Variants in TNXB observed in about 807,000 individuals in gnomAD.
The protein encoded by TNXB is tenascin-X.
In TNXB, 183 loss-of-function variants were observed where a neutral mutation model predicts 340.5. The observed-to-expected ratio is 0.54, with a 90% CI of 0.48 to 0.61. TNXB has a LOEUF of 0.61. TNXB is among the 20% of genes least tolerant of loss of function. TNXB has a pLI of 0.00. For missense variants in TNXB, 4,613 were observed against 5,446.4 expected (o/e 0.85, Z 4.82); for synonymous variants, 2,121 against 2,314.5 (o/e 0.92, Z 2.40).
At position 32,097,736 on chromosome 6, in the gene TNXB, T is replaced by G; in HGVS notation, c.403+60A>C. ...TTCTAATTCATACCAAGGACCTTTA[T>G]GGACTAGCAATGCCCACCCCACCCC... On this transcript the variant is annotated intron_variant, in intron 2 of 43. Transcript: ENST00000644971. This position sits in a 1 kb window ranked among gnomAD's most constrained non-coding sequence, Gnocchi z 5.9. 1 of 1,477,544 alleles carries G rather than the reference T, an allele frequency of 6.8e-7. No homozygotes were observed. The highest frequency in any genetic ancestry group is 9.0e-7 in the Non-Finnish European group (1 of 1,111,136). 91.5% of individuals were successfully genotyped at this position (1,477,544 alleles called of 1,614,324 possible). A position where few individuals can be genotyped will look rare whatever the true frequency, so the allele number is the denominator to read the frequency against.
chr6:32,046,423 C>T lies in TNXB; in HGVS notation c.10358G>A (p.Gly3453Glu), dbSNP rs759385589. 8.2e-6 allele frequency: 13 copies of T among 1,577,132 alleles called. No individual in the cohort carries two copies. The South Asian group carries it at 1.2e-4, about 15-fold the overall frequency. ...GGTCTCCTCAGCCACGGTCAGTTCC[C>T]CCAGGTGGGGAGGTAGCTCCTTCTC... ...PLEKELPPHL[G>E]ELTVAEETSS... The change falls in exon 31 of 44, where the codon GGG (glycine) becomes GAG (glutamate). Residue 3453 changes from glycine to glutamate, a missense_variant. Gly to Glu is a moderately conservative substitution (Grantham distance 98). Transcript: ENST00000644971. The surrounding 1 kb of genome is among the most constrained non-coding windows in gnomAD (Gnocchi z 6.9).
rs1481086813 is a variant in TNXB, at chr6:32,061,940, C to G, written c.7168+217G>C. Reference sequence around the variant, plus strand: ...CCAGGGTCAGCTGTGGGGGACCTGGCACAGCCACCAGCACAGCAAAACTCC... The same window carrying G: ...CCAGGGTCAGCTGTGGGGGACCTGGGACAGCCACCAGCACAGCAAAACTCC... On this transcript the variant is annotated intron_variant, in intron 20 of 43. Transcript: ENST00000644971. This position sits in a 1 kb window ranked among gnomAD's most constrained non-coding sequence, Gnocchi z 4.4. Among the ~76,000 whole-genome samples the G allele has an allele frequency of 6.6e-6, 1 of 152,170 alleles. No individual in the cohort carries two copies. Among genetic ancestry groups the G allele is most frequent in the Admixed American group, 6.5e-5 (1 of 15,284 alleles).
chr6:32,049,192 AG>A lies in TNXB; in HGVS notation c.9757+77del. 6.7e-7 allele frequency: 1 copy of A among 1,492,404 alleles called. No individual in the cohort carries two copies. Among genetic ancestry groups the A allele is most frequent in the Non-Finnish European group, 8.9e-7 (1 of 1,119,852 alleles). The allele number at this position is 1,492,404 out of a possible 1,614,324, so 92.4% of individuals were successfully genotyped here. On this transcript the variant is annotated intron_variant, in intron 28 of 43. Coordinates refer to ENST00000644971, the MANE Select transcript of TNXB (RefSeq NM_001365276.2). This position sits in a 1 kb window ranked among gnomAD's most constrained non-coding sequence, Gnocchi z 4.5. ...AGAAACCTAGAGGCCCAGTCAAAAG[AG>A]GTGCCAAGATCCAAAGGAGAAACAC...
intron 4 of TNXB, chr6:32,093,180 G>A (rs1241102540): frequency 1.9e-6 from 1 of 529,854 alleles, no homozygotes; most frequent in Non-Finnish European, 3.4e-6. Flanking sequence ...CAAGATTAGA[G>A]CTATGTAAAT....
rs1485064062 is a variant in TNXB at position 32,061,101 on chromosome 6, G to A, written c.7492+296C>T. Among the ~76,000 whole-genome samples, 1 of 151,914 alleles carries A rather than the reference G, an allele frequency of 6.6e-6. No individual in the cohort carries two copies. ...CCTCTTGTGTGCATTTGTGTATGTG[G>A]TTATAACAAAGAATGCTGTTATTAA... is the stretch of plus-strand genomic sequence containing the variant. On this transcript the variant is annotated intron_variant, in intron 21 of 43. Transcript: ENST00000644971. This position sits in a 1 kb window ranked among gnomAD's most constrained non-coding sequence, Gnocchi z 4.4.
At position 32,049,979 on chromosome 6, in the gene TNXB, G is replaced by T; in HGVS notation, c.9439+19C>A. ...GCCCTCCCACAGCTCCCACCCTGGG[G>T]CTCCCATCATTCACTCACCCGTCAC... On this transcript the variant is annotated intron_variant, in intron 27 of 43. Coordinates refer to ENST00000644971, the MANE Select transcript of TNXB (RefSeq NM_001365276.2). This position sits in a 1 kb window ranked among gnomAD's most constrained non-coding sequence, Gnocchi z 4.5. The T allele has an allele frequency of 6.2e-7, 1 of 1,612,450 alleles. No homozygotes were observed. The highest frequency in any genetic ancestry group is 1.1e-5 in the South Asian group (1 of 91,074).
intron 6 of TNXB, among the ~76,000 whole-genome samples, chr6:32,086,354 G>C (rs576854807): frequency 1.3e-5 from 2 of 152,266 alleles, no homozygotes; most frequent in South Asian, 4.1e-4. Flanking sequence ...GTAAAATAAA[G>C]CCTGCTATCC....
rs1261193353 is a variant in TNXB, at chr6:32,042,689, G to A, written c.12058+10C>T. ...CCAGCCCCCGGCCCCGGGCCCGTGC[G>A]TCCAGGTACCCGTGGTGAAAGAGGT... is the stretch of plus-strand genomic sequence containing the variant. On this transcript the variant is annotated intron_variant, in intron 39 of 43. Coordinates refer to ENST00000644971, the MANE Select transcript of TNXB (RefSeq NM_001365276.2). The A allele has an allele frequency of 6.0e-5, 72 of 1,204,942 alleles. No individual in the cohort carries two copies. Among genetic ancestry groups the A allele is most frequent in the African/African-American group, 1.1e-4 (6 of 56,644 alleles). 74.6% of individuals were successfully genotyped at this position (1,204,942 alleles called of 1,614,324 possible). A position where few individuals can be genotyped will look rare whatever the true frequency, so the allele number is the denominator to read the frequency against.
Position 32,061,472 on chromosome 6 carries a change from G to A in TNXB, c.7417C>T (p.Arg2473Cys), listed in dbSNP as rs373029180. 2,015 of 1,613,422 alleles carry A rather than the reference G, an allele frequency of 1.2e-3. 41 individuals carry two copies. The South Asian group carries it at 0.02, about 16-fold the overall frequency. Residue 2473 changes from arginine (R) to cysteine (C), a missense_variant, in exon 21 of 44, where the codon CGC becomes TGC. This residue lies in a region of TNXB where 4,327 missense variants were observed against 4,859.4 expected (regional missense o/e 0.89). Transcript: ENST00000644971. The surrounding 1 kb of genome is among the most constrained non-coding windows in gnomAD (Gnocchi z 4.4). ...CCATACAGGTGCATCTTGTATTTGCGCCCAGGCTCCAGGCCCCCCACGGTG... is the reference window on the plus strand; with the variant it reads ...CCATACAGGTGCATCTTGTATTTGCACCCAGGCTCCAGGCCCCCCACGGTG... ...EVTVGGLEPG[R>C]KYKMHLYGLH...
At chr6:32,105,276 G>C (rs1270792830) in intron 1 of TNXB, among the ~76,000 whole-genome samples, 1 of 152,074 alleles carries the variant, frequency 6.6e-6, no homozygotes. Context: ...TTTTCACAGG[G>C]AAGTTTTCCT....
At position 32,048,529 on chromosome 6, in the gene TNXB, C is replaced by G. The variant is rs762174875; in HGVS notation, c.9879G>C (p.Leu3293=). The change falls in exon 29 of 44, where the codon CTG becomes CTC. Residue 3293 remains leucine (L), a synonymous_variant. Coordinates refer to ENST00000644971, the MANE Select transcript of TNXB (RefSeq NM_001365276.2). Reference sequence around the variant, plus strand: ...GCCCCTGCGCGTCCCTGTACTGTACCAGGAAGGAGTCAAAGGGGCCCTGGG... The same window carrying G: ...GCCCCTGCGCGTCCCTGTACTGTACGAGGAAGGAGTCAAAGGGGCCCTGGG... ...TVAQGPFDSF[L]VQYRDAQGQP... is the part of the protein sequence containing the mutation. 2 of 1,593,496 alleles carry G rather than the reference C, an allele frequency of 1.3e-6. No individual in the cohort carries two copies. Among genetic ancestry groups the G allele is most frequent in the Non-Finnish European group, 1.7e-6 (2 of 1,169,266 alleles).
Position 32,056,769 on chromosome 6 carries a change from G to T in TNXB, c.7960C>A (p.Gln2654Lys). Residue 2654 changes from glutamine (Q) to lysine (K), a missense_variant, in exon 23 of 44, where the codon CAG becomes AAG. Physicochemically the swap from Gln to Lys is moderately conservative, Grantham distance 53. This residue lies in a region of TNXB where 4,327 missense variants were observed against 4,859.4 expected (regional missense o/e 0.89). Coordinates refer to ENST00000644971, the MANE Select transcript of TNXB (RefSeq NM_001365276.2). ...TACTGGACCAGGAAGTGGTCAAACT[G>T]GCCCTCGGGAACCGTCCAGGACAGG... The part of the protein sequence containing the change: ...LSLSWTVPEG[Q>K]FDHFLVQYRN... 1.2e-6 allele frequency: 2 copies of T among 1,613,326 alleles called. No individual in the cohort carries two copies. Among genetic ancestry groups the T allele is most frequent in the Non-Finnish European group, 1.7e-6 (2 of 1,179,854 alleles).
chr6:32,073,597 G>A lies in TNXB; in HGVS notation c.4681+50C>T. On this transcript the variant is annotated intron_variant, in intron 12 of 43. Coordinates refer to ENST00000644971, the MANE Select transcript of TNXB (RefSeq NM_001365276.2). The surrounding 1 kb of genome is among the most constrained non-coding windows in gnomAD (Gnocchi z 4.6). ...GGGCTGGAAGAAGGGCCATGGGGTG[G>A]GGGAGCTCTGGGTAACCAGAGATGA... 6.5e-7 allele frequency: 1 copy of A among 1,528,344 alleles called. No homozygotes were observed. Among genetic ancestry groups the A allele is most frequent in the Non-Finnish European group, 8.9e-7 (1 of 1,121,996 alleles). The allele number at this position is 1,528,344 out of a possible 1,614,324, so 94.7% of individuals were successfully genotyped here. A position where few individuals can be genotyped will look rare whatever the true frequency, so the allele number is the denominator to read the frequency against.
At position 32,087,343 on chromosome 6, in the gene TNXB, G is replaced by C; in HGVS notation, c.2780-1225C>G. ...GTAGGTGGTGCCGGGCCTGAGGTCG[G>C]GCAGGCTGACGGTGCGCGTGGTGCC... On this transcript the variant is annotated intron_variant, in intron 6 of 43. Coordinates refer to ENST00000644971, the MANE Select transcript of TNXB (RefSeq NM_001365276.2). The surrounding 1 kb of genome is among the most constrained non-coding windows in gnomAD (Gnocchi z 9.0). 1 of 484,388 alleles carries C rather than the reference G, an allele frequency of 2.1e-6. No homozygotes were observed. Among genetic ancestry groups the C allele is most frequent in the Non-Finnish European group, 4.1e-6 (1 of 243,122 alleles). The allele number at this position is 484,388 out of a possible 1,614,324, so 30.0% of individuals were successfully genotyped here.
In TNXB at chr6:32,047,608, C is replaced by T; in HGVS notation, c.10324+126G>A. The T allele has an allele frequency of 8.8e-7, 1 of 1,130,340 alleles. No homozygotes were observed. The highest frequency in any genetic ancestry group is 1.2e-6 in the Non-Finnish European group (1 of 822,630). 70.0% of individuals were successfully genotyped at this position (1,130,340 alleles called of 1,614,324 possible). On this transcript the variant is annotated intron_variant, in intron 30 of 43. Transcript: ENST00000644971. This position sits in a 1 kb window ranked among gnomAD's most constrained non-coding sequence, Gnocchi z 6.2. ...TGTGCCTGACACACAGAGGGACTCA[C>T]TTTCGGAGTTAAGATGGTTGTGTCA... is the stretch of plus-strand genomic sequence containing the variant.
Position 32,048,390 on chromosome 6 carries a change from C to G in TNXB, c.10018G>C (p.Gly3340Arg). ...LFGLQNGKRHGPVPVEARTAP... is the reference protein window; with the variant it reads ...LFGLQNGKRHRPVPVEARTAP... ...GTCCTGGCCTCCACAGGGACTGGGC[C>G]GTGGCGTTTCCCATTCTGGAGTCCA... Residue 3340 changes from glycine (G) to arginine (R), a missense_variant, in exon 29 of 44, where the codon GGC becomes CGC. Gly to Arg is a moderately radical substitution (Grantham distance 125). Around this residue, in one of 7 missense-constraint regions of TNXB, gnomAD observed 4,327 missense variants for 4,859.4 expected, o/e 0.89. Transcript: ENST00000644971. The G allele has an allele frequency of 2.0e-6, 3 of 1,523,840 alleles. No individual in the cohort carries two copies. The highest frequency in any genetic ancestry group is 2.7e-6 in the Non-Finnish European group (3 of 1,130,250). 94.4% of individuals were successfully genotyped at this position (1,523,840 alleles called of 1,614,324 possible).
chr6:32,049,124 T>C lies in TNXB; in HGVS notation c.9757+146A>G, dbSNP rs1241923710. 2 of 1,223,474 alleles carry C rather than the reference T, an allele frequency of 1.6e-6. No individual in the cohort carries two copies. The highest frequency in any genetic ancestry group is 2.2e-6 in the Non-Finnish European group (2 of 906,558). The allele number at this position is 1,223,474 out of a possible 1,614,324, so 75.8% of individuals were successfully genotyped here. Reference sequence around the variant, plus strand: ...TCTGACTCCACACAGTCTCCATGAATCCAAGGATGAGGCAGGATCATTAGC... The same window carrying C: ...TCTGACTCCACACAGTCTCCATGAACCCAAGGATGAGGCAGGATCATTAGC... On this transcript the variant is annotated intron_variant, in intron 28 of 43. Coordinates refer to ENST00000644971, the MANE Select transcript of TNXB (RefSeq NM_001365276.2). The surrounding 1 kb of genome is among the most constrained non-coding windows in gnomAD (Gnocchi z 4.5).
chr6:32,095,684 G>A lies in TNXB; in HGVS notation c.2169C>T (p.Cys723=), dbSNP rs763899276. Residue 723 remains cysteine, a synonymous_variant, in exon 3 of 44, where the codon TGC becomes TGT. Transcript: ENST00000644971. ...DCAIQTCPGD[C]RGRGECHDGS... ...CATCGTGACACTCTCCTCGGCCACG[G>A]CAGTCCCCTGGGCATGTCTGGATGG... 5 of 1,613,852 alleles carry A rather than the reference G, an allele frequency of 3.1e-6. No individual in the cohort carries two copies. The highest frequency in any genetic ancestry group is 2.2e-5 in the East Asian group (1 of 44,890).
chr6:32,082,971 T>TC lies in TNXB; in HGVS notation c.3446-646dup, dbSNP rs1234196497. Among the ~76,000 whole-genome samples, 1 of 152,114 alleles carries TC rather than the reference T, an allele frequency of 6.6e-6. No individual in the cohort carries two copies. Among genetic ancestry groups the TC allele is most frequent in the African/African-American group, 2.4e-5 (1 of 41,422 alleles). ...TAGCCTCCATCTTCCCTCTTTGCTC[T>TC]CATTCCCAGCCCAGATTCCAGAAAG... On this transcript the variant is annotated intron_variant, in intron 8 of 43. Coordinates refer to ENST00000644971, the MANE Select transcript of TNXB (RefSeq NM_001365276.2). This position sits in a 1 kb window ranked among gnomAD's most constrained non-coding sequence, Gnocchi z 5.0.
Sources: gnomAD v4.1 joint callset for allele counts (sites outside exome capture counted in the v4.1 genomes callset) on GRCh38, gnomAD v4.1.1 for gene constraint, gnomAD v4.1.1 regional missense constraint, Gnocchi (gnomAD v3.1) non-coding constraint, MANE v1.5 for transcripts, NCBI Gene and HGNC (gene_info 2026-07-23, HGNC 2026-07-21) for gene names.